Variants in PKHD1 observed in about 807,000 individuals in gnomAD.
PKHD1 encodes PKHD1 ciliary IPT domain containing fibrocystin/polyductin.
In PKHD1, 291 loss-of-function variants were observed where a neutral mutation model predicts 412.0. The observed-to-expected ratio is 0.71, with a 90% CI of 0.64 to 0.78. PKHD1 has a LOEUF of 0.78. Among genes scored for constraint, PKHD1 ranks in the 30% least tolerant of loss-of-function variants. PKHD1 has a pLI of 0.00. For missense variants in PKHD1, 4,825 were observed against 4,950.7 expected, an observed-to-expected ratio of 0.97 and a Z score of 0.76; for synonymous variants, 1,777 against 1,821.5, an observed-to-expected ratio of 0.98 and a Z score of 0.62.
intron 48 of PKHD1, among the ~76,000 whole-genome samples, chr6:51,865,092 C>T (rs770758337): frequency 7.2e-5 from 11 of 152,098 alleles, no homozygotes; most frequent in Non-Finnish European, 1.3e-4. Flanking sequence ...CCCTGTCTCA[C>T]CAGGAACACT....
At chr6:51,686,552 T>C (rs1777465820) in intron 60 of PKHD1, among the ~76,000 whole-genome samples, 1 of 152,192 alleles carries the variant, frequency 6.6e-6, no homozygotes, top group Non-Finnish European at 1.5e-5. Context: ...TTGCTTTCTA[T>C]GATGCTCTAC....
chr6:51,801,802 T>A (rs191097235), intron 52 of PKHD1, among the ~76,000 whole-genome samples: 54 of 152,264 alleles, frequency 3.5e-4, no homozygotes, highest in African/African-American at 1.3e-3. Flanking sequence ...CTGTGTCTTT[T>A]TCAATCACAC....
intron 57 of PKHD1, among the ~76,000 whole-genome samples, chr6:51,749,028 C>T (rs1204237408): frequency 2.0e-5 from 3 of 152,108 alleles, no homozygotes; most frequent in Non-Finnish European, 2.9e-5. Flanking sequence ...GTTTCTGGCC[C>T]TTCACCTCAA....
chr6:51,742,329 G>GATA (rs1237772783), intron 60 of PKHD1, among the ~76,000 whole-genome samples: 1 of 152,074 alleles, frequency 6.6e-6, no homozygotes, highest in African/African-American at 2.4e-5. Flanking sequence ...CTATTCCAGA[G>GATA]ATAAGCCTTC....
chr6:51,949,426 T>G (rs1264497133), intron 36 of PKHD1, among the ~76,000 whole-genome samples: 1 of 152,086 alleles, frequency 6.6e-6, no homozygotes, highest in South Asian at 2.1e-4. Flanking sequence ...TGCACTGTGC[T>G]GCTCTGGGAG....
intron 60 of PKHD1, among the ~76,000 whole-genome samples, chr6:51,660,799 C>G (rs1562046204): frequency 6.6e-6 from 1 of 152,164 alleles, no homozygotes; most frequent in Non-Finnish European, 1.5e-5. Context: ...GTTCAGCCAC[C>G]TGAAAGCTCT....
chr6:51,872,968 A>G (rs921064500), intron 46 of PKHD1, among the ~76,000 whole-genome samples: 1 of 150,326 alleles, frequency 6.7e-6, no homozygotes, highest in Non-Finnish European at 1.5e-5. Flanking sequence ...AGATGTACGA[A>G]TCAGAAACAA....
chr6:52,071,641 A>G (rs1431312896), intron 8 of PKHD1, among the ~76,000 whole-genome samples: 1 of 152,184 alleles, frequency 6.6e-6, no homozygotes, highest in Non-Finnish European at 1.5e-5. Context: ...TTGGCTAGTC[A>G]CTGAAGTATA....
At chr6:51,884,834 A>G (rs1777951985) in intron 45 of PKHD1, among the ~76,000 whole-genome samples, 1 of 147,412 alleles carries the variant, frequency 6.8e-6, no homozygotes, top group Non-Finnish European at 1.5e-5. Context: ...GGCACTCAAC[A>G]AATGTTTCCA....
intron 50 of PKHD1, among the ~76,000 whole-genome samples, chr6:51,841,399 T>C (rs547499726): frequency 7.8e-4 from 117 of 149,574 alleles, no homozygotes; most frequent in African/African-American, 2.8e-3. Context: ...TCCTCTTCTC[T>C]CCTCTCCTCT....
intron 50 of PKHD1, among the ~76,000 whole-genome samples, chr6:51,836,764 G>A (rs1356906999): frequency 6.6e-6 from 1 of 152,196 alleles, no homozygotes; most frequent in Non-Finnish European, 1.5e-5. Context: ...GGAAGCCAAT[G>A]GTGTCCAGCA....
At chr6:52,000,162 T>C (rs1798186185) in intron 35 of PKHD1, among the ~76,000 whole-genome samples, 1 of 152,234 alleles carries the variant, frequency 6.6e-6, no homozygotes, top group South Asian at 2.1e-4. Context: ...AGGACTTCCA[T>C]AAAATCTTTC....
chr6:51,765,635 T>A (rs1490269561), intron 55 of PKHD1, among the ~76,000 whole-genome samples: 1 of 152,128 alleles, frequency 6.6e-6, no homozygotes, highest in African/African-American at 2.4e-5. Context: ...CTGCCCCAGC[T>A]ATTTTTGATC....
chr6:51,781,797 C>T (rs547062756), intron 53 of PKHD1, among the ~76,000 whole-genome samples: 1 of 152,028 alleles, frequency 6.6e-6, no homozygotes, highest in African/African-American at 2.4e-5. Context: ...AAAAATAAGG[C>T]AAGCTCTTCC....
chr6:51,764,492 G>A (rs1788620810), intron 55 of PKHD1, among the ~76,000 whole-genome samples: 1 of 146,682 alleles, frequency 6.8e-6, no homozygotes, highest in Non-Finnish European at 1.5e-5. Flanking sequence ...CAACCATTGT[G>A]GAAGTCAGTG....
intron 43 of PKHD1, among the ~76,000 whole-genome samples, chr6:51,893,970 A>G (rs1180369512): frequency 6.6e-6 from 1 of 152,168 alleles, no homozygotes; most frequent in East Asian, 1.9e-4. Flanking sequence ...GTTATAGGAA[A>G]TTTCCAACAC....
At chr6:51,682,188 G>A (rs1339531084) in intron 60 of PKHD1, 3 of 455,434 alleles carry the variant, frequency 6.6e-6, no homozygotes, top group Non-Finnish European at 1.3e-5. Context: ...ACTATCTCCT[G>A]CTTCAGGGAA....
At chr6:51,763,707 T>G (rs138604130) in intron 55 of PKHD1, among the ~76,000 whole-genome samples, 66 of 152,192 alleles carry the variant, frequency 4.3e-4, no homozygotes, top group African/African-American at 1.6e-3. Flanking sequence ...ATGTGTCTTA[T>G]AGGGTTTATC....
intron 35 of PKHD1, among the ~76,000 whole-genome samples, chr6:52,001,633 G>A (rs991022476): frequency 2.6e-5 from 4 of 151,788 alleles, no homozygotes; most frequent in Non-Finnish European, 4.4e-5. Flanking sequence ...GGGTTTCACC[G>A]TGTTAGCCAG....
Sources: allele counts gnomAD v4.1 joint callset (sites outside exome capture counted in the v4.1 genomes callset), GRCh38; gene constraint gnomAD v4.1.1; transcripts MANE v1.5; gene names NCBI Gene and HGNC (gene_info 2026-07-23, HGNC 2026-07-21).